Variants in SVOP observed in about 807,000 individuals in gnomAD.
SVOP encodes the protein synaptic vesicle 2-related protein.
In SVOP, 17 loss-of-function variants were observed where a neutral mutation model predicts 69.1. That is an observed-to-expected ratio of 0.25 (90% CI 0.17 to 0.37). The LOEUF (loss-of-function observed/expected upper bound fraction) is 0.37, where lower values mean the gene tolerates loss of function less well. Among genes scored for constraint, SVOP ranks in the 10% least tolerant of loss-of-function variants. The pLI, the probability that SVOP is intolerant of heterozygous loss-of-function variation, is 1.00. For synonymous variants in SVOP, 238 were observed against 238.6 expected, an observed-to-expected ratio of 1.00 and a Z score of 0.02; for missense variants, 435 against 597.5, an observed-to-expected ratio of 0.73 and a Z score of 2.84.
chr12:108,945,225 T>A, intron 6 of SVOP, 59 bp from the exon 7 acceptor site: 1 of 1,493,454 alleles, frequency 6.7e-7, no homozygotes, highest in Non-Finnish European at 9.0e-7. Flanking sequence ...GGAAAATGGC[T>A]ACCGTTTTCT....
At chr12:108,972,547 G>T in intron 4 of SVOP, 71 bp from the exon 5 acceptor site, 3 of 1,462,054 alleles carry the variant, frequency 2.1e-6, no homozygotes, top group Non-Finnish European at 2.8e-6. Context: ...ACAACAAACG[G>T]AAGTGGTGAC....
intron 6 of SVOP, among the ~76,000 whole-genome samples, chr12:108,951,055 G>A (rs183890961): frequency 1.3e-3 from 202 of 152,328 alleles, no homozygotes; most frequent in African/African-American, 4.6e-3. Context: ...TTTGGATCAC[G>A]TGTTTGGAAA....
intron 1 of SVOP, among the ~76,000 whole-genome samples, chr12:108,994,600 T>A (rs2040221108): frequency 6.6e-6 from 1 of 152,196 alleles, no homozygotes. Flanking sequence ...ATTTTCACTA[T>A]CCCTATTTTG....
chr12:108,960,595 A>G (rs938350296), intron 6 of SVOP, among the ~76,000 whole-genome samples: 19 of 152,280 alleles, frequency 1.2e-4, no homozygotes, highest in South Asian at 4.1e-4. Flanking sequence ...CCAACTGTAA[A>G]ACGCAGATTG....
intron 1 of SVOP, among the ~76,000 whole-genome samples, chr12:108,989,211 A>G (rs567262559): frequency 3.9e-5 from 6 of 152,286 alleles, no homozygotes; most frequent in Non-Finnish European, 8.8e-5. Context: ...CTGGGACTAC[A>G]GGCACGCACC....
intron 6 of SVOP, among the ~76,000 whole-genome samples, chr12:108,949,345 A>G (rs1443512037): frequency 6.6e-6 from 1 of 151,828 alleles, no homozygotes; most frequent in Non-Finnish European, 1.5e-5. Context: ...TCTCAGGCTC[A>G]CTGCAACCTC....
intron 6 of SVOP, among the ~76,000 whole-genome samples, chr12:108,953,582 A>T (rs930658808): frequency 1.3e-5 from 2 of 152,250 alleles, no homozygotes; most frequent in Non-Finnish European, 2.9e-5. Flanking sequence ...ATTGTAAATT[A>T]ATGGAAACTT....
intron 6 of SVOP, among the ~76,000 whole-genome samples, chr12:108,951,741 T>C (rs1324050796): frequency 6.6e-6 from 1 of 152,236 alleles, no homozygotes; most frequent in Non-Finnish European, 1.5e-5. Flanking sequence ...TTGAAATTGT[T>C]GTTCAACATG....
chr12:108,976,370 CATCACTGATGCAG>C (rs899583738), intron 4 of SVOP, among the ~76,000 whole-genome samples: 1 of 152,152 alleles, frequency 6.6e-6, no homozygotes, highest in African/African-American at 2.4e-5. Flanking sequence ...GCAGTGACTC[CATCACTGATGCAG>C]ATCACAGACC....
intron 14 of SVOP, among the ~76,000 whole-genome samples, chr12:108,916,289 G>A (rs1399725563): frequency 1.3e-5 from 2 of 152,224 alleles, no homozygotes; most frequent in African/African-American, 4.8e-5. Flanking sequence ...CCCAGTAGGG[G>A]CCACGTGCTT....
At chr12:108,941,062 G>A (rs1392278740) in intron 7 of SVOP, among the ~76,000 whole-genome samples, 153 bp from the exon 8 acceptor site, 1 of 152,132 alleles carries the variant, frequency 6.6e-6, no homozygotes, top group Non-Finnish European at 1.5e-5. Flanking sequence ...GGTCTATATG[G>A]TTGGGCCAGG....
In SVOP at chr12:109,001,508, C is replaced by T. The variant is rs1220793319; in HGVS notation, c.36-17747G>A. Among the ~76,000 whole-genome samples, 460 of 148,202 alleles carry T rather than the reference C, an allele frequency of 3.1e-3. 3 individuals carry two copies. The highest frequency in any genetic ancestry group is 0.01 in the African/African-American group (420 of 40,286). ...AAGAGCCCGCATTGCCAAGTCAATC[C>T]TAAGCCAAAAGAACAAAGCTGGAGG... On this transcript the variant is annotated intron_variant, in intron 1 of 15. Transcript: ENST00000610966.
At chr12:108,949,314 G>C (rs952691920) in intron 6 of SVOP, among the ~76,000 whole-genome samples, 5 of 151,542 alleles carry the variant, frequency 3.3e-5, no homozygotes, top group Admixed American at 1.3e-4. Flanking sequence ...CTCTCATCCA[G>C]GCTGGAGTGC....
chr12:108,943,921 G>A (rs768728705), intron 7 of SVOP, among the ~76,000 whole-genome samples: 12 of 147,356 alleles, frequency 8.1e-5, no homozygotes, highest in Admixed American at 1.4e-4. Flanking sequence ...TTGCTCTGTC[G>A]CCTAGGCTGG....
At chr12:108,931,828 G>A (rs1169389036) in intron 11 of SVOP, among the ~76,000 whole-genome samples, 2 of 93,296 alleles carry the variant, frequency 2.1e-5, no homozygotes, top group African/African-American at 6.0e-5. Context: ...GCGAGACTCC[G>A]TCTCAAAAAA....
At chr12:108,980,630 G>T (rs1398890829) in intron 2 of SVOP, among the ~76,000 whole-genome samples, 3 of 109,848 alleles carry the variant, frequency 2.7e-5, no homozygotes, top group African/African-American at 1.2e-4. Flanking sequence ...GGCGCCTGTA[G>T]TCCCAGCTAC....
At chr12:108,919,218 C>T (rs1192685485) in intron 13 of SVOP, among the ~76,000 whole-genome samples, 1 of 151,012 alleles carries the variant, frequency 6.6e-6, no homozygotes, top group Admixed American at 6.6e-5. Flanking sequence ...TACACCCACA[C>T]CTGAGCCTCA....
intron 5 of SVOP, among the ~76,000 whole-genome samples, chr12:108,971,136 G>A (rs74207003): frequency 0.01 from 1,585 of 152,112 alleles, 13 homozygotes; most frequent in South Asian, 0.023. Context: ...GATAATCAAA[G>A]AGGTCAATTT....
intron 11 of SVOP, among the ~76,000 whole-genome samples, chr12:108,932,752 C>A (rs1430820175): frequency 6.6e-6 from 1 of 152,066 alleles, no homozygotes; most frequent in East Asian, 1.9e-4. Context: ...AAACAAAGAT[C>A]GTAAGACCGA....
Sources: allele counts gnomAD v4.1 joint callset (sites outside exome capture counted in the v4.1 genomes callset), GRCh38; gene constraint gnomAD v4.1.1; transcripts MANE v1.5; gene names NCBI Gene and HGNC (gene_info 2026-07-23, HGNC 2026-07-21).